PTPRD: variants seen among roughly 807,000 people sequenced by gnomAD.
PTPRD encodes protein tyrosine phosphatase receptor type D.
In PTPRD, 34 loss-of-function variants were observed where a neutral mutation model predicts 214.5. The observed-to-expected ratio is 0.16, with a 90% CI of 0.12 to 0.21. PTPRD has a LOEUF of 0.21. PTPRD is among the 10% of genes least tolerant of loss of function. PTPRD has a pLI of 1.00. For synonymous variants in PTPRD, 1,128 were observed against 845.7 expected, an observed-to-expected ratio of 1.33 and a Z score of -5.79; for missense variants, 2,545 against 2,398.7, an observed-to-expected ratio of 1.06 and a Z score of -1.27.
At chr9:8,796,451 GAGTA>G (rs1258354037) in intron 11 of PTPRD, among the ~76,000 whole-genome samples, 1 of 152,112 alleles carries the variant, frequency 6.6e-6, no homozygotes, top group Non-Finnish European at 1.5e-5. Context: ...CAGCAGCTCA[GAGTA>G]AGTGAGTATT....
chr9:10,001,198 G>A (rs2096303210), intron 4 of PTPRD, among the ~76,000 whole-genome samples: 1 of 151,982 alleles, frequency 6.6e-6, no homozygotes, highest in African/African-American at 2.4e-5. Flanking sequence ...CACCGGATCT[G>A]TATCAATTTG....
At chr9:9,308,408 G>C (rs993442354) in intron 9 of PTPRD, among the ~76,000 whole-genome samples, 1 of 152,106 alleles carries the variant, frequency 6.6e-6, no homozygotes, top group Non-Finnish European at 1.5e-5. Flanking sequence ...AATGGTCTTT[G>C]GATGGCCAAA....
intron 12 of PTPRD, among the ~76,000 whole-genome samples, chr9:8,705,529 G>A (rs1032266431): frequency 1.3e-5 from 2 of 152,084 alleles, no homozygotes; most frequent in African/African-American, 4.8e-5. Context: ...CTGATTACTT[G>A]GGAACATCAT....
chr9:8,667,088 CA>C (rs2097185003), intron 12 of PTPRD, among the ~76,000 whole-genome samples: 1 of 152,148 alleles, frequency 6.6e-6, no homozygotes, highest in African/African-American at 2.4e-5. Flanking sequence ...CCTATAATCC[CA>C]ACACTTTAGG....
intron 10 of PTPRD, among the ~76,000 whole-genome samples, chr9:9,024,110 C>G (rs2154371685): frequency 6.6e-6 from 1 of 151,766 alleles, no homozygotes; most frequent in African/African-American, 2.4e-5. Context: ...CTGCTCTTGA[C>G]TTTTGGGTAT....
intron 11 of PTPRD, among the ~76,000 whole-genome samples, chr9:8,782,424 T>C (rs982455084): frequency 4.5e-4 from 68 of 152,262 alleles, no homozygotes; most frequent in African/African-American, 1.6e-3. Flanking sequence ...CACCATGTTG[T>C]GCAATACATC....
At chr9:9,364,856 G>C (rs2057411335) in intron 9 of PTPRD, among the ~76,000 whole-genome samples, 1 of 150,806 alleles carries the variant, frequency 6.6e-6, no homozygotes, top group African/African-American at 2.5e-5. Context: ...GTTGAGTGTG[G>C]ATGGAATAAA....
intron 2 of PTPRD, among the ~76,000 whole-genome samples, chr9:10,414,816 C>G (rs543325894): frequency 1.8e-4 from 27 of 151,936 alleles, no homozygotes; most frequent in Admixed American, 1.8e-3. Context: ...ATGCCATTAT[C>G]CTCAGCAAAC....
chr9:8,426,584 G>A (rs927369935), intron 35 of PTPRD, among the ~76,000 whole-genome samples: 12 of 152,138 alleles, frequency 7.9e-5, no homozygotes, highest in Admixed American at 5.9e-4. Context: ...AGAATGTCCA[G>A]TGATGGTCAA....
At chr9:9,964,908 G>C (rs1007233728) in intron 4 of PTPRD, among the ~76,000 whole-genome samples, 2 of 152,068 alleles carry the variant, frequency 1.3e-5, no homozygotes, top group Non-Finnish European at 2.9e-5. Context: ...TTGAAATATA[G>C]GGAAATAAAC....
intron 43 of PTPRD, among the ~76,000 whole-genome samples, chr9:8,332,515 A>G (rs7868317): frequency 0.23 from 34,998 of 149,426 alleles, 7,869 homozygotes; most frequent in African/African-American, 0.59. Flanking sequence ...GTCTGTGGAG[A>G]GCTTTAACAT....
chr9:8,985,641 A>AT (rs1184980011), intron 11 of PTPRD, among the ~76,000 whole-genome samples: 18 of 149,760 alleles, frequency 1.2e-4, no homozygotes, highest in African/African-American at 4.5e-4. Flanking sequence ...TGTGCCTTTT[A>AT]CAAAAAAAAA....
At position 9,817,668 on chromosome 9, in the gene PTPRD, G is replaced by A. The variant is rs1279284467; in HGVS notation, c.-367-50817C>T. Among the ~76,000 whole-genome samples the A allele has an allele frequency of 3.9e-5, 6 of 152,042 alleles. No individual in the cohort carries two copies. In the East Asian group the frequency reaches 1.2e-3, roughly 29 times the overall value. On this transcript the variant is annotated intron_variant, in intron 5 of 45. Coordinates refer to ENST00000381196, the MANE Select transcript of PTPRD (RefSeq NM_002839.4). ...TTTTTGTCCACCCATTGTCCACAGG[G>A]AATAAAACAAACGGGCTAAGGGGTT...
intron 10 of PTPRD, among the ~76,000 whole-genome samples, chr9:9,137,222 AT>A (rs1380928176): frequency 1.7e-4 from 26 of 152,124 alleles, no homozygotes; most frequent in Middle Eastern, 3.2e-3. Context: ...AATACATGAA[AT>A]TTTATTTTTA....
chr9:9,780,580 A>T (rs965534363), intron 5 of PTPRD, among the ~76,000 whole-genome samples: 6 of 152,208 alleles, frequency 3.9e-5, no homozygotes, highest in Admixed American at 2.0e-4. Flanking sequence ...ACTCTTATTA[A>T]TTGCTGGTAT....
intron 9 of PTPRD, among the ~76,000 whole-genome samples, chr9:9,311,317 T>A (rs952187884): frequency 1.3e-5 from 2 of 152,170 alleles, no homozygotes; most frequent in African/African-American, 4.8e-5. Flanking sequence ...TGTTGTCATA[T>A]AATAAAAGAT....
intron 2 of PTPRD, among the ~76,000 whole-genome samples, chr9:10,516,129 T>C (rs2050022513): frequency 6.6e-6 from 1 of 151,974 alleles, no homozygotes; most frequent in Non-Finnish European, 1.5e-5. Flanking sequence ...AGCTCTATTT[T>C]TTATTTTTTG....
intron 5 of PTPRD, among the ~76,000 whole-genome samples, chr9:9,888,651 T>C (rs1039062792): frequency 3.3e-5 from 5 of 152,144 alleles, no homozygotes; most frequent in Admixed American, 6.6e-5. Context: ...CTTTACCTTC[T>C]GCCATGAGCG....
intron 4 of PTPRD, among the ~76,000 whole-genome samples, chr9:9,944,313 T>G (rs1333368819): frequency 6.6e-6 from 1 of 152,148 alleles, no homozygotes; most frequent in Non-Finnish European, 1.5e-5. Flanking sequence ...GTATCCAGTG[T>G]GCAGCTGACA....
Sources: gnomAD v4.1 joint callset for allele counts (sites outside exome capture counted in the v4.1 genomes callset) on GRCh38, gnomAD v4.1.1 for gene constraint, MANE v1.5 for transcripts, NCBI Gene and HGNC (gene_info 2026-07-23, HGNC 2026-07-21) for gene names.